The following MGAT5B variants were observed in gnomAD, a reference collection of about 807,000 sequenced individuals.
MGAT5B encodes the protein N-acetylglucosaminyl-transferase Vb.
A neutral mutation model predicts 95.1 loss-of-function variants in MGAT5B; 54 were observed. That is an observed-to-expected ratio of 0.57 (90% CI 0.46 to 0.71). The LOEUF (loss-of-function observed/expected upper bound fraction) is 0.71. Among genes scored for constraint, MGAT5B ranks in the 30% least tolerant of loss-of-function variants. MGAT5B has a pLI of 0.00. For synonymous variants in MGAT5B, 464 were observed against 451.0 expected, an observed-to-expected ratio of 1.03 and a Z score of -0.36; for missense variants, 935 against 1,088.6, an observed-to-expected ratio of 0.86 and a Z score of 1.99.
At position 76,947,822 on chromosome 17, in the gene MGAT5B, C is replaced by T; in HGVS notation, c.1924-8C>T. The T allele has an allele frequency of 1.9e-6, 3 of 1,542,150 alleles. No homozygotes were observed. Among genetic ancestry groups the T allele is most frequent in the Non-Finnish European group, 2.6e-6 (3 of 1,141,574 alleles). ...TTCCCCACCCTGACACTGCTCTCCT[C>T]CTTGCAGGACTTCTGCAGAGCTCCA... On this transcript the variant is annotated splice_region_variant and splice_polypyrimidine_tract_variant and intron_variant, in intron 16 of 17. Coordinates refer to ENST00000569840, the MANE Select transcript of MGAT5B (RefSeq NM_001199172.2).
At chr17:76,880,701 C>T (rs1967379074) in intron 2 of MGAT5B, among the ~76,000 whole-genome samples, 1 of 152,206 alleles carries the variant, frequency 6.6e-6, no homozygotes, top group Admixed American at 6.5e-5. Context: ...CGGGCAGAGG[C>T]CCCAGTCCCC....
rs1567830904 is a variant in MGAT5B, at chr17:76,948,776, C to A, written c.2317C>A (p.Arg773=). 1 of 1,609,436 alleles carries A rather than the reference C, an allele frequency of 6.2e-7. No homozygotes were observed. Among genetic ancestry groups the A allele is most frequent in the Non-Finnish European group, 8.5e-7 (1 of 1,178,590 alleles). The change falls in exon 18 of 18, where the codon CGG becomes AGG. Residue 773 remains arginine, a synonymous_variant. Transcript: ENST00000569840. ...SCAGSNTKYR[R]LCPCRDFRKG... is the part of the protein sequence containing the mutation. ...CGCCGGCTCCAACACCAAGTACCGC[C>A]GGCTCTGCCCCTGCCGCGACTTCCG...
At chr17:76,878,427 A>C (rs953255812) in intron 2 of MGAT5B, among the ~76,000 whole-genome samples, 3 of 152,150 alleles carry the variant, frequency 2.0e-5, no homozygotes, top group African/African-American at 7.2e-5. Flanking sequence ...AGGCATGGTC[A>C]TCGTGAAACC....
chr17:76,909,943 A>C (rs2145203440), intron 8 of MGAT5B, among the ~76,000 whole-genome samples: 1 of 152,280 alleles, frequency 6.6e-6, no homozygotes, highest in South Asian at 2.1e-4. Context: ...GGGCAGAGGC[A>C]GGTTGGTGCC....
chr17:76,910,709 C>T (rs1968702727), intron 8 of MGAT5B, among the ~76,000 whole-genome samples: 1 of 152,260 alleles, frequency 6.6e-6, no homozygotes, highest in Admixed American at 6.5e-5. Flanking sequence ...TCCTCTCAAG[C>T]TCTTGCAGAT....
Position 76,924,817 on chromosome 17 carries a change from G to A in MGAT5B, c.1026-149G>A, listed in dbSNP as rs76602942. ...TGTGCAGTGAAAAACCTACGTTACC[G>A]TACAGGGCCATCCTGCTCACTTCCT... On this transcript the variant is annotated intron_variant, in intron 8 of 17. Coordinates refer to ENST00000569840, the MANE Select transcript of MGAT5B (RefSeq NM_001199172.2). The A allele has an allele frequency of 3.4e-3, 3,517 of 1,027,618 alleles. 95 individuals carry two copies. The African/African-American group carries it at 0.047, about 14-fold the overall frequency. 63.7% of individuals were successfully genotyped at this position (1,027,618 alleles called of 1,614,324 possible).
rs918645104 is a variant in MGAT5B, at chr17:76,926,812, C to T, written c.1291+82C>T. 3.3e-6 allele frequency: 5 copies of T among 1,516,106 alleles called. No homozygotes were observed. The South Asian group carries it at 3.7e-5, about 11-fold the overall frequency. 93.9% of individuals were successfully genotyped at this position (1,516,106 alleles called of 1,614,324 possible). ...GTGACACGAGAGGCGGCCAGGGTCTCGCTCCTCCCTCTCTTTCCTTCTCCA... is the reference window on the plus strand; with the variant it reads ...GTGACACGAGAGGCGGCCAGGGTCTTGCTCCTCCCTCTCTTTCCTTCTCCA... On this transcript the variant is annotated intron_variant, in intron 10 of 17. Coordinates refer to ENST00000569840, the MANE Select transcript of MGAT5B (RefSeq NM_001199172.2).
At chr17:76,903,500 C>T (rs1317206989) in intron 5 of MGAT5B, 124 bp downstream of exon 5, 5 of 593,430 alleles carry the variant, frequency 8.4e-6, no homozygotes, top group African/African-American at 1.9e-5. Context: ...CTGCTCAGTG[C>T]ATCCACCCCA....
chr17:76,927,976 T>A (rs575529965), intron 10 of MGAT5B, among the ~76,000 whole-genome samples: 1 of 152,360 alleles, frequency 6.6e-6, no homozygotes, highest in South Asian at 2.1e-4. Context: ...TCATGGCATC[T>A]CTTGTGGGTG....
intron 1 of MGAT5B, among the ~76,000 whole-genome samples, chr17:76,871,903 G>A (rs902481167): frequency 6.6e-5 from 10 of 152,246 alleles, no homozygotes; most frequent in African/African-American, 2.4e-4. Context: ...TAGGATTGAT[G>A]AGGGAAGCAG....
At chr17:76,898,879 C>T (rs1266235677) in intron 3 of MGAT5B, among the ~76,000 whole-genome samples, 2 of 152,212 alleles carry the variant, frequency 1.3e-5, no homozygotes, top group Non-Finnish European at 2.9e-5. Context: ...TTTGGAGACA[C>T]TCTTCAGCCT....
In MGAT5B at chr17:76,899,987, G is replaced by A. The variant is rs188844038; in HGVS notation, c.330-2568G>A. Among the ~76,000 whole-genome samples, 890 of 152,286 alleles carry A rather than the reference G, an allele frequency of 5.8e-3. 16 individuals are homozygous for A. Among genetic ancestry groups the A allele is most frequent in the Non-Finnish European group, 5.1e-3 (349 of 68,036 alleles). On this transcript the variant is annotated intron_variant, in intron 3 of 17. Transcript: ENST00000569840. ...CCACATCAATATCAGTGCTGATCAC[G>A]AATGCAAACAGTGCTGATGTCACAC...
chr17:76,906,286 G>C lies in MGAT5B; in HGVS notation c.1025+99G>C. On this transcript the variant is annotated intron_variant, in intron 8 of 17. Coordinates refer to ENST00000569840, the MANE Select transcript of MGAT5B (RefSeq NM_001199172.2). The surrounding 1 kb of genome is among the most constrained non-coding windows in gnomAD (Gnocchi z 4.6). ...CAGGGGCTGTGGGAGCACCTGCTCT[G>C]CCTGCAGGTCCCACGGCCCTGAGAC... 12 of 1,218,216 alleles carry C rather than the reference G, an allele frequency of 9.9e-6. No homozygotes were observed. The highest frequency in any genetic ancestry group is 1.3e-5 in the Non-Finnish European group (12 of 893,148). 75.5% of individuals were successfully genotyped at this position (1,218,216 alleles called of 1,614,324 possible). A position where few individuals can be genotyped will look rare whatever the true frequency, so the allele number is the denominator to read the frequency against.
chr17:76,875,891 G>A (rs1192680866), intron 2 of MGAT5B, among the ~76,000 whole-genome samples: 1 of 151,938 alleles, frequency 6.6e-6, no homozygotes, highest in Non-Finnish European at 1.5e-5. Flanking sequence ...CTCAGACCAA[G>A]TTTATCCAAG....
At chr17:76,945,245 T>A (rs1048078742) in intron 15 of MGAT5B, among the ~76,000 whole-genome samples, 1 of 152,212 alleles carries the variant, frequency 6.6e-6, no homozygotes, top group African/African-American at 2.4e-5. Context: ...AGCTACTGCA[T>A]GCATCTGCCC....
chr17:76,877,995 C>T (rs897824109), intron 2 of MGAT5B, among the ~76,000 whole-genome samples: 108 of 152,192 alleles, frequency 7.1e-4, no homozygotes, highest in African/African-American at 2.4e-3. Flanking sequence ...ATGGAGGGAA[C>T]GTGTGCCTGT....
chr17:76,878,151 T>C (rs1224554673), intron 2 of MGAT5B, among the ~76,000 whole-genome samples: 3 of 152,048 alleles, frequency 2.0e-5, no homozygotes, highest in Non-Finnish European at 4.4e-5. Flanking sequence ...AGTGGGTCAC[T>C]GGGGGAGAGT....
intron 2 of MGAT5B, among the ~76,000 whole-genome samples, chr17:76,878,159 A>G (rs1033187787): frequency 6.6e-6 from 1 of 151,882 alleles, no homozygotes. Context: ...ACTGGGGGAG[A>G]GTCGGCCTGA....
chr17:76,917,619 G>C lies in MGAT5B; in HGVS notation c.1026-7347G>C, dbSNP rs896989413. ...CAATATCCGAATCCAGGATGCAGGG[G>C]CTGCGTCTTAGCTTTTGGCCCTCAT... On this transcript the variant is annotated intron_variant, in intron 8 of 17. Coordinates refer to ENST00000569840, the MANE Select transcript of MGAT5B (RefSeq NM_001199172.2). The surrounding 1 kb of genome is among the most constrained non-coding windows in gnomAD (Gnocchi z 6.1). 6.0e-4 allele frequency among the ~76,000 whole-genome samples: 92 copies of C among 152,206 alleles called. No homozygotes were observed. The highest frequency in any genetic ancestry group is 2.2e-3 in the African/African-American group (91 of 41,554).
Sources: allele counts gnomAD v4.1 joint callset (sites outside exome capture counted in the v4.1 genomes callset), GRCh38; gene constraint gnomAD v4.1.1; non-coding constraint Gnocchi (gnomAD v3.1); transcripts MANE v1.5; gene names NCBI Gene and HGNC (gene_info 2026-07-23, HGNC 2026-07-21).